NTM: variants seen among roughly 807,000 people sequenced by gnomAD.
The protein encoded by NTM is neurotrimin, also known as IgLON family member 2.
A neutral mutation model predicts 42.1 loss-of-function variants in NTM; 13 were observed. The observed-to-expected ratio is 0.31, with a 90% CI of 0.20 to 0.49. The LOEUF is 0.49. Ranked by LOEUF, NTM falls within the 20% of genes least tolerant of loss-of-function variation. The pLI, the probability that NTM is intolerant of heterozygous loss-of-function variation, is 0.99. For synonymous variants in NTM, 187 were observed against 179.2 expected (o/e 1.04, Z -0.35); for missense variants, 373 against 452.8 (o/e 0.82, Z 1.60).
intron 4 of NTM, among the ~76,000 whole-genome samples, chr11:132,293,049 G>A (rs538148994): frequency 4.6e-5 from 7 of 151,984 alleles, no homozygotes; most frequent in South Asian, 4.2e-4. Context: ...ATGAGGGGCC[G>A]GTTTTTGACG....
At position 131,881,330 on chromosome 11, in the gene NTM, G is replaced by T. The variant is rs533489396; in HGVS notation, c.83-30234G>T. ...CGGTTTGAGGGAGCACTTCAGTAGT[G>T]AAAGGTACATGGATTTGAAATCAGA... On this transcript the variant is annotated intron_variant, in intron 1 of 8. Coordinates refer to ENST00000683400, the MANE Select transcript of NTM (RefSeq NM_001352005.2). 2.4e-4 allele frequency among the ~76,000 whole-genome samples: 36 copies of T among 152,294 alleles called. No homozygotes were observed. The South Asian group carries it at 6.2e-3, about 26-fold the overall frequency.
At chr11:132,205,673 G>A (rs1440293479) in intron 3 of NTM, among the ~76,000 whole-genome samples, 1 of 152,036 alleles carries the variant, frequency 6.6e-6, no homozygotes, top group East Asian at 1.9e-4. Flanking sequence ...CATGCCTGTG[G>A]GTAAAAGCCA....
chr11:131,857,436 G>T (rs1482000408), intron 1 of NTM, among the ~76,000 whole-genome samples: 1 of 152,004 alleles, frequency 6.6e-6, no homozygotes, highest in Non-Finnish European at 1.5e-5. Context: ...CCATTCAGTG[G>T]CCCTCAATGA....
At chr11:132,332,143 T>C (rs920663534) in intron 8 of NTM, 2 of 152,206 alleles carry the variant, frequency 1.3e-5, no homozygotes, top group Admixed American at 6.5e-5. Context: ...TTGGTGAACA[T>C]TTTTGGGAAT....
intron 2 of NTM, among the ~76,000 whole-genome samples, chr11:132,144,342 G>A (rs1460049905): frequency 6.6e-6 from 1 of 152,162 alleles, no homozygotes; most frequent in Non-Finnish European, 1.5e-5. Context: ...AATCCCCAGG[G>A]GGCTCATGTG....
chr11:131,451,552 G>T (rs1319995272), intron 1 of NTM, among the ~76,000 whole-genome samples: 1 of 152,162 alleles, frequency 6.6e-6, no homozygotes, highest in Non-Finnish European at 1.5e-5. Context: ...GCCTTCCCAG[G>T]CCAGAGGACT....
chr11:131,487,328 C>T (rs2136274299), intron 1 of NTM, among the ~76,000 whole-genome samples: 1 of 152,332 alleles, frequency 6.6e-6, no homozygotes, highest in Non-Finnish European at 1.5e-5. Flanking sequence ...GTTCCATATT[C>T]AGGACCCAGG....
chr11:131,410,437 G>A (rs979567832), intron 1 of NTM, among the ~76,000 whole-genome samples: 2 of 148,066 alleles, frequency 1.4e-5, no homozygotes, highest in Non-Finnish European at 3.0e-5. Context: ...AGTGAGCTAT[G>A]AGCTGTGATT....
chr11:131,921,405 G>A (rs1371366739), intron 2 of NTM, among the ~76,000 whole-genome samples: 1 of 152,100 alleles, frequency 6.6e-6, no homozygotes, highest in Non-Finnish European at 1.5e-5. Context: ...AAGCAGCCAG[G>A]AATTAGGAAG....
chr11:131,377,459 C>T (rs550574000), intron 1 of NTM, among the ~76,000 whole-genome samples: 1 of 152,298 alleles, frequency 6.6e-6, no homozygotes, highest in South Asian at 2.1e-4. Context: ...AAGAATTTGC[C>T]TCAGACAGCT....
chr11:131,521,541 T>TGG (rs371021938), intron 1 of NTM, among the ~76,000 whole-genome samples: 2 of 151,188 alleles, frequency 1.3e-5, no homozygotes, highest in African/African-American at 4.8e-5. Flanking sequence ...CCCGAGTAGC[T>TGG]GGGACTGCAA....
chr11:131,640,072 G>A (rs768087567), intron 1 of NTM, among the ~76,000 whole-genome samples: 31 of 152,270 alleles, frequency 2.0e-4, no homozygotes, highest in African/African-American at 4.6e-4. Context: ...CGTCCATCCC[G>A]GAGGAGGATG....
At chr11:131,926,025 G>T (rs1381799538) in intron 2 of NTM, among the ~76,000 whole-genome samples, 1 of 152,166 alleles carries the variant, frequency 6.6e-6, no homozygotes, top group African/African-American at 2.4e-5. Context: ...CATCTCCTAT[G>T]AGCCAGGAGC....
At chr11:132,315,907 T>A (rs1220224643) in intron 7 of NTM, among the ~76,000 whole-genome samples, 3 of 152,162 alleles carry the variant, frequency 2.0e-5, no homozygotes, top group Non-Finnish European at 4.4e-5. Flanking sequence ...CACACAGGGA[T>A]GATCATAAGA....
At position 132,307,720 on chromosome 11, in the gene NTM, G is replaced by C. The variant is rs1012070377; in HGVS notation, c.558G>C (p.Leu186Phe). 1 of 1,614,072 alleles carries C rather than the reference G, an allele frequency of 6.2e-7. No homozygotes were observed. Among genetic ancestry groups the C allele is most frequent in the African/African-American group, 1.3e-5 (1 of 74,938 alleles). The change falls in exon 5 of 9, where the codon TTG becomes TTC. Residue 186 changes from leucine to phenylalanine, a missense_variant. This residue lies in a region of NTM where 312 missense variants were observed against 353.5 expected (regional missense o/e 0.88). Transcript: ENST00000683400. ...GCTTTGTGAGTGAAGACGAATACTTGGAAATTCAGGGCATCACCAGGGAGC... is the reference window on the plus strand; with the variant it reads ...GCTTTGTGAGTGAAGACGAATACTTCGAAATTCAGGGCATCACCAGGGAGC... ...AVGFVSEDEY[L>F]EIQGITREQS... is the part of the protein sequence containing the mutation.
At chr11:132,049,086 G>A (rs1171125286) in intron 2 of NTM, among the ~76,000 whole-genome samples, 1 of 152,092 alleles carries the variant, frequency 6.6e-6, no homozygotes, top group Non-Finnish European at 1.5e-5. Context: ...CAATTGAAGG[G>A]AAATATAATT....
At chr11:131,791,999 T>A (rs1427756610) in intron 1 of NTM, among the ~76,000 whole-genome samples, 1 of 152,186 alleles carries the variant, frequency 6.6e-6, no homozygotes, top group Non-Finnish European at 1.5e-5. Flanking sequence ...AGGCTATAAC[T>A]GATACGTAAT....
chr11:131,923,027 C>T (rs549276986), intron 2 of NTM, among the ~76,000 whole-genome samples: 40 of 151,804 alleles, frequency 2.6e-4, no homozygotes, highest in African/African-American at 9.4e-4. Flanking sequence ...CCTAGACCTT[C>T]GTTGAATTCA....
intron 1 of NTM, among the ~76,000 whole-genome samples, chr11:131,472,876 C>A (rs73588739): frequency 1.3e-5 from 2 of 152,164 alleles, no homozygotes; most frequent in Admixed American, 6.5e-5. Flanking sequence ...CACTACCCCC[C>A]AGAGATTGAG....
Sources: gnomAD v4.1 joint callset for allele counts (sites outside exome capture counted in the v4.1 genomes callset) on GRCh38, gnomAD v4.1.1 for gene constraint, gnomAD v4.1.1 regional missense constraint, MANE v1.5 for transcripts, NCBI Gene and HGNC (gene_info 2026-07-23, HGNC 2026-07-21) for gene names.